NLGN4X: variants seen among roughly 807,000 people sequenced by gnomAD.
NLGN4X encodes the protein neuroligin 4 X-linked.
Under a neutral mutation model 40.3 loss-of-function variants are expected in NLGN4X, and 3 were observed. That is an observed-to-expected ratio of 0.07 (90% CI 0.03 to 0.19). The LOEUF (loss-of-function observed/expected upper bound fraction) is 0.19, where lower values mean the gene tolerates loss of function less well. Ranked by LOEUF, NLGN4X falls within the 10% of genes least tolerant of loss-of-function variation. The pLI is 1.00. For synonymous variants in NLGN4X, 270 were observed against 306.8 expected (o/e 0.88, Z 1.25); for missense variants, 382 against 708.3 (o/e 0.54, Z 5.23).
At chrX:5,990,061 T>A (rs1307214587) in intron 3 of NLGN4X, among the ~76,000 whole-genome samples, 1 of 96,958 alleles carries the variant, frequency 1.0e-5, no homozygotes, top group Admixed American at 1.2e-4. Flanking sequence ...GGATTACATA[T>A]CTCTGTCTCT....
In NLGN4X at chrX:6,138,933, A is replaced by G. The variant is rs933194568; in HGVS notation, c.472+12062T>C. 3.6e-5 allele frequency among the ~76,000 whole-genome samples: 4 copies of G among 111,559 alleles called. No individual in the cohort carries two copies. In the Admixed American group the frequency reaches 3.8e-4, roughly 11 times the overall value. Reference sequence around the variant, plus strand: ...AAGTATAAAATGCAAAGATCCCTGTAGAATGTGCGATGGTGAAATTTGTTC... The same window carrying G: ...AAGTATAAAATGCAAAGATCCCTGTGGAATGTGCGATGGTGAAATTTGTTC... On this transcript the variant is annotated intron_variant, in intron 2 of 5. Transcript: ENST00000381095.
intron 1 of NLGN4X, chrX:6,227,769 T>A (rs1926512924): frequency 9.1e-6 from 1 of 110,044 alleles, no homozygotes; most frequent in East Asian, 2.9e-4. Context: ...ATCAATCACG[T>A]GCGTTATTTC....
chrX:5,899,871 A>G (rs1483988664), intron 5 of NLGN4X, among the ~76,000 whole-genome samples: 1 of 111,752 alleles, frequency 8.9e-6, no homozygotes, highest in Non-Finnish European at 1.9e-5. Flanking sequence ...AATCATATAA[A>G]GTTTATTTTC....
At chrX:6,131,930 C>A (rs2039689363) in intron 2 of NLGN4X, among the ~76,000 whole-genome samples, 1 of 111,633 alleles carries the variant, frequency 9.0e-6, no homozygotes, top group Admixed American at 9.6e-5. Flanking sequence ...ACATTAGGGG[C>A]CAGATCATTC....
intron 2 of NLGN4X, among the ~76,000 whole-genome samples, chrX:6,111,089 T>C (rs1275631991): frequency 8.9e-6 from 1 of 112,061 alleles, no homozygotes; most frequent in Non-Finnish European, 1.9e-5. Context: ...TTTTAAGATA[T>C]AGGATAGCAT....
At chrX:5,978,320 CTTT>C (rs1569164924) in intron 3 of NLGN4X, among the ~76,000 whole-genome samples, 20,207 of 91,038 alleles carry the variant, frequency 0.22, 2,194 homozygotes, top group Non-Finnish European at 0.26. Context: ...TTCTTTCTTT[CTTT>C]CTTTCTTTCT....
At chrX:6,129,714 TCA>T (rs1227858324) in intron 2 of NLGN4X, among the ~76,000 whole-genome samples, 2 of 110,489 alleles carry the variant, frequency 1.8e-5, no homozygotes, top group Non-Finnish European at 3.8e-5. Flanking sequence ...TTCATGGGTC[TCA>T]CAACAGGGCA....
At chrX:5,921,311 CT>C (rs111850944) in intron 3 of NLGN4X, among the ~76,000 whole-genome samples, 21 of 105,453 alleles carry the variant, frequency 2.0e-4, no homozygotes, top group African/African-American at 6.6e-4. Context: ...AACATATTCA[CT>C]TTTTTTCTCC....
chrX:6,141,444 C>T (rs2039945898), intron 2 of NLGN4X, among the ~76,000 whole-genome samples: 1 of 111,998 alleles, frequency 8.9e-6, no homozygotes, highest in African/African-American at 3.2e-5. Context: ...TCCCAAATCA[C>T]AATAATTATA....
chrX:5,962,860 C>T (rs1200693987), intron 3 of NLGN4X, among the ~76,000 whole-genome samples: 1 of 111,716 alleles, frequency 9.0e-6, no homozygotes, highest in Non-Finnish European at 1.9e-5. Flanking sequence ...GAGACTGAAT[C>T]TTCTGCTGCC....
At chrX:6,186,420 C>T (rs779478585) in intron 1 of NLGN4X, among the ~76,000 whole-genome samples, 1 of 112,421 alleles carries the variant, frequency 8.9e-6, no homozygotes, top group East Asian at 2.8e-4. Context: ...TCATTTTTAT[C>T]CTCCAGAGAT....
chrX:6,037,245 G>A (rs1237412361), intron 2 of NLGN4X, among the ~76,000 whole-genome samples: 2 of 109,298 alleles, frequency 1.8e-5, no homozygotes, highest in Non-Finnish European at 1.9e-5. Context: ...GGTGGAGGTT[G>A]CAGTGAGCTG....
At chrX:6,122,040 G>A (rs147478522) in intron 2 of NLGN4X, among the ~76,000 whole-genome samples, 229 of 112,035 alleles carry the variant, frequency 2.0e-3, no homozygotes, top group African/African-American at 6.8e-3. Flanking sequence ...TTCCCTAAGT[G>A]TTGAGTATTT....
intron 3 of NLGN4X, among the ~76,000 whole-genome samples, chrX:5,976,636 A>G (rs2035185098): frequency 8.9e-6 from 1 of 112,457 alleles, no homozygotes. Context: ...TGATAGGCAT[A>G]TTTTCTATCC....
At chrX:5,917,162 C>A (rs5961886) in intron 3 of NLGN4X, among the ~76,000 whole-genome samples, 1 of 111,445 alleles carries the variant, frequency 9.0e-6, no homozygotes, top group East Asian at 2.9e-4. Flanking sequence ...GCCCTGAACA[C>A]CTTGCCTGAG....
At chrX:5,958,739 C>T (rs758678997) in intron 3 of NLGN4X, among the ~76,000 whole-genome samples, 5 of 111,535 alleles carry the variant, frequency 4.5e-5, no homozygotes, top group Non-Finnish European at 9.4e-5. Context: ...TTAAGATTTG[C>T]CTACAGCAAA....
At chrX:6,088,159 G>T (rs1315931525) in intron 2 of NLGN4X, among the ~76,000 whole-genome samples, 1 of 112,659 alleles carries the variant, frequency 8.9e-6, no homozygotes, top group Non-Finnish European at 1.9e-5. Flanking sequence ...GTCAACGAAA[G>T]CAGTTTCATT....
At chrX:6,211,839 A>G (rs1924631299) in intron 1 of NLGN4X, among the ~76,000 whole-genome samples, 1 of 112,136 alleles carries the variant, frequency 8.9e-6, no homozygotes, top group Non-Finnish European at 1.9e-5. Flanking sequence ...ATTAACTACT[A>G]GCCTATGGAA....
At chrX:5,951,458 C>T (rs1428573176) in intron 3 of NLGN4X, among the ~76,000 whole-genome samples, 10 of 111,134 alleles carry the variant, frequency 9.0e-5, no homozygotes, top group Non-Finnish European at 1.1e-4. Context: ...GCTGGGAGGA[C>T]GGGGGGTTGG....
Sources: gnomAD v4.1 joint callset for allele counts (sites outside exome capture counted in the v4.1 genomes callset) on GRCh38, gnomAD v4.1.1 for gene constraint, MANE v1.5 for transcripts, NCBI Gene and HGNC (gene_info 2026-07-23, HGNC 2026-07-21) for gene names.